SPACA9: variants seen among roughly 807,000 people sequenced by gnomAD.
SPACA9 encodes sperm acrosome-associated protein 9.
SPACA9 carries 14 observed loss-of-function variants against 12.5 expected under a neutral mutation model. The ratio of observed to expected loss-of-function variants is 1.12; its 90% CI spans 0.74 to 1.75. The LOEUF (loss-of-function observed/expected upper bound fraction) is 1.75. Ranked by LOEUF, SPACA9 falls within the 40% of genes most tolerant of loss-of-function variation. The probability of loss-of-function intolerance (pLI) is 0.00; values close to 1 mark genes in which losing one functional copy is unlikely to be tolerated. For synonymous variants in SPACA9, 111 were observed against 114.1 expected, an observed-to-expected ratio of 0.97 and a Z score of 0.17; for missense variants, 292 against 291.9, an observed-to-expected ratio of 1.00 and a Z score of 0.00.
At chr9:132,884,705 A>C (rs1443438939) in intron 2 of SPACA9, among the ~76,000 whole-genome samples, 1 of 101,812 alleles carries the variant, frequency 9.8e-6, no homozygotes, top group African/African-American at 3.4e-5. Flanking sequence ...GGAGGGAGTC[A>C]GCTTGTGGAA....
intron 2 of SPACA9, among the ~76,000 whole-genome samples, chr9:132,885,545 A>G (rs926216207): frequency 2.7e-5 from 4 of 150,578 alleles, no homozygotes; most frequent in African/African-American, 9.8e-5. Flanking sequence ...AGTTAAATGT[A>G]CAGAAAAGGA....
chr9:132,888,941 G>T lies in SPACA9; in HGVS notation c.*330G>T. On this transcript the variant is annotated 3_prime_UTR_variant, in exon 4 of 4. Transcript: ENST00000356311. The surrounding 1 kb of genome is among the most constrained non-coding windows in gnomAD (Gnocchi z 5.0). ...CACCACCTCGCCTGGCTAATTTTTTGTATTTTTAGTAGAGACAGCGTTTCA... is the reference window on the plus strand; with the variant it reads ...CACCACCTCGCCTGGCTAATTTTTTTTATTTTTAGTAGAGACAGCGTTTCA... 1.6e-6 allele frequency: 1 copy of T among 615,958 alleles called. No individual in the cohort carries two copies. The highest frequency in any genetic ancestry group is 2.2e-6 in the Non-Finnish European group (1 of 461,528). 38.2% of individuals were successfully genotyped at this position (615,958 alleles called of 1,614,324 possible). A position where few individuals can be genotyped will look rare whatever the true frequency, so the allele number is the denominator to read the frequency against.
At position 132,889,337 on chromosome 9, in the gene SPACA9, C is replaced by T; in HGVS notation, c.*726C>T. On this transcript the variant is annotated 3_prime_UTR_variant, in exon 4 of 4. Coordinates refer to ENST00000356311, the MANE Select transcript of SPACA9 (RefSeq NM_001316897.2). Reference sequence around the variant, plus strand: ...ACCAGCCCCAACTGTAGGCAAGGCACACGCTGTTTGCGAGCCAGGGATGCT... The same window carrying T: ...ACCAGCCCCAACTGTAGGCAAGGCATACGCTGTTTGCGAGCCAGGGATGCT... The T allele has an allele frequency of 1.0e-6, 1 of 985,594 alleles. No individual in the cohort carries two copies. The highest frequency in any genetic ancestry group is 1.2e-6 in the Non-Finnish European group (1 of 830,038). The allele number at this position is 985,594 out of a possible 1,614,324, so 61.1% of individuals were successfully genotyped here.
Position 132,888,598 on chromosome 9 carries a change from G to T in SPACA9, c.656G>T (p.Gly219Val). The change falls in exon 4 of 4, where the codon GGT becomes GTT. Residue 219 changes from glycine to valine, a missense_variant. Physicochemically the swap from Gly to Val is moderately radical, Grantham distance 109 (BLOSUM62 -3). Transcript: ENST00000356311. This position sits in a 1 kb window ranked among gnomAD's most constrained non-coding sequence, Gnocchi z 5.0. Reference protein sequence around the residue: ...GCSKPPWRPPGGKL With the variant: ...GCSKPPWRPPVGKL ...TCAAAACCACCCTGGAGGCCTCCTG[G>T]TGGGAAATTGTAACTCAGAGCCAGG... 1.3e-6 allele frequency: 2 copies of T among 1,531,132 alleles called. No homozygotes were observed. Among genetic ancestry groups the T allele is most frequent in the Non-Finnish European group, 1.8e-6 (2 of 1,136,348 alleles). The allele number at this position is 1,531,132 out of a possible 1,614,324, so 94.8% of individuals were successfully genotyped here. A position where few individuals can be genotyped will look rare whatever the true frequency, so the allele number is the denominator to read the frequency against.
At position 132,889,190 on chromosome 9, in the gene SPACA9, C is replaced by T. The variant is rs1052059674; in HGVS notation, c.*579C>T. 5 of 987,148 alleles carry T rather than the reference C, an allele frequency of 5.1e-6. No individual in the cohort carries two copies. The African/African-American group carries it at 8.7e-5, about 17-fold the overall frequency. The allele number at this position is 987,148 out of a possible 1,614,324, so 61.1% of individuals were successfully genotyped here. A position where few individuals can be genotyped will look rare whatever the true frequency, so the allele number is the denominator to read the frequency against. ...TGTGGTAGAGGGTCCCAGGAGGGCA[C>T]TGAACTGTCACCTAGGTCCTCTTTG... On this transcript the variant is annotated 3_prime_UTR_variant, in exon 4 of 4. Transcript: ENST00000356311.
chr9:132,887,667 A>G lies in SPACA9; in HGVS notation c.347+96A>G, dbSNP rs903107288. ...CTGTTGCCTGGATCATGGTGCTCCT[A>G]TTAGACCACCCCGGGCAGGAAATCC... On this transcript the variant is annotated intron_variant, in intron 3 of 3. Transcript: ENST00000356311. This position sits in a 1 kb window ranked among gnomAD's most constrained non-coding sequence, Gnocchi z 5.4. 10 of 1,017,684 alleles carry G rather than the reference A, an allele frequency of 9.8e-6. No homozygotes were observed. The highest frequency in any genetic ancestry group is 2.4e-4 in the Middle Eastern group (1 of 4,210). The allele number at this position is 1,017,684 out of a possible 1,614,324, so 63.0% of individuals were successfully genotyped here. A position where few individuals can be genotyped will look rare whatever the true frequency, so the allele number is the denominator to read the frequency against.
At chr9:132,880,947 C>G (rs910263036) in intron 1 of SPACA9, among the ~76,000 whole-genome samples, 1 of 151,730 alleles carries the variant, frequency 6.6e-6, no homozygotes, top group Non-Finnish European at 1.5e-5. Context: ...CTCAGCCTCC[C>G]GAGTAGCTGG....
Position 132,888,636 on chromosome 9 carries a change from G to A in SPACA9, c.*25G>A, listed in dbSNP as rs776359128. The A allele has an allele frequency of 5.7e-5, 85 of 1,502,114 alleles. No individual in the cohort carries two copies. Among genetic ancestry groups the A allele is most frequent in the Non-Finnish European group, 7.2e-5 (81 of 1,124,198 alleles). 93.0% of individuals were successfully genotyped at this position (1,502,114 alleles called of 1,614,324 possible). A position where few individuals can be genotyped will look rare whatever the true frequency, so the allele number is the denominator to read the frequency against. ...ACTCAGAGCCAGGAGCTCCGTCGGC[G>A]GAGAGCTTTGCTGTTTAATTTGGAT... On this transcript the variant is annotated 3_prime_UTR_variant, in exon 4 of 4. Transcript: ENST00000356311. This position sits in a 1 kb window ranked among gnomAD's most constrained non-coding sequence, Gnocchi z 5.0.
In SPACA9 at chr9:132,884,589, GC is replaced by G. The variant is rs201564341; in HGVS notation, c.144+499del. Among the ~76,000 whole-genome samples, 496 of 152,340 alleles carry G rather than the reference GC, an allele frequency of 3.3e-3. 4 individuals carry two copies. Among genetic ancestry groups the G allele is most frequent in the African/African-American group, 0.01 (420 of 41,574 alleles). ...CCAGGGTTAGCTGCTGTCCAGGTTT[GC>G]TGTGCAGGACTTGGAGGCCTCAAGA... On this transcript the variant is annotated intron_variant, in intron 2 of 3. Transcript: ENST00000356311.
Position 132,889,884 on chromosome 9 carries a change from A to AG in SPACA9, c.*1273_*1274insG. The AG allele has an allele frequency of 1.4e-6, 2 of 1,411,604 alleles. No homozygotes were observed. The allele number at this position is 1,411,604 out of a possible 1,614,324, so 87.4% of individuals were successfully genotyped here. On this transcript the variant is annotated 3_prime_UTR_variant, in exon 4 of 4. Coordinates refer to ENST00000356311, the MANE Select transcript of SPACA9 (RefSeq NM_001316897.2). Reference sequence around the variant, plus strand: ...TTTTCACAGCGTAGTCGAACCCCAAACATTGTAAAATGTGTCCCTGGCTTC... The same window carrying AG: ...TTTTCACAGCGTAGTCGAACCCCAAAGCATTGTAAAATGTGTCCCTGGCTTC...
chr9:132,883,839 A>C, intron 1 of SPACA9, 72 bp from the exon 2 acceptor site: 1 of 1,214,520 alleles, frequency 8.2e-7, no homozygotes, highest in South Asian at 1.3e-5. Context: ...CTCCCCTGAC[A>C]GTCCTTCCCT....
chr9:132,889,406 G>T lies in SPACA9; in HGVS notation c.*795G>T. On this transcript the variant is annotated 3_prime_UTR_variant, in exon 4 of 4. Transcript: ENST00000356311. Reference sequence around the variant, plus strand: ...GGGGTCGGCATGTGGAACTCAGCGTGTTTATTTTTTTATTTTTTGAGATGG... The same window carrying T: ...GGGGTCGGCATGTGGAACTCAGCGTTTTTATTTTTTTATTTTTTGAGATGG... The T allele has an allele frequency of 1.0e-6, 1 of 985,324 alleles. No homozygotes were observed. The highest frequency in any genetic ancestry group is 4.7e-5 in the South Asian group (1 of 21,288). 61.0% of individuals were successfully genotyped at this position (985,324 alleles called of 1,614,324 possible). A position where few individuals can be genotyped will look rare whatever the true frequency, so the allele number is the denominator to read the frequency against.
chr9:132,879,535 A>G (rs1844324639), intron 1 of SPACA9, among the ~76,000 whole-genome samples: 1 of 152,240 alleles, frequency 6.6e-6, no homozygotes, highest in Non-Finnish European at 1.5e-5. Flanking sequence ...GCATGCAGTA[A>G]GCACACAATA....
chr9:132,886,067 A>G (rs2131491190), intron 2 of SPACA9, among the ~76,000 whole-genome samples: 1 of 152,336 alleles, frequency 6.6e-6, no homozygotes. Context: ...ACCACTTCAG[A>G]TTGTTTGGGG....
At position 132,888,373 on chromosome 9, in the gene SPACA9, T is replaced by C. The variant is rs756515232; in HGVS notation, c.431T>C (p.Ile144Thr). The C allele has an allele frequency of 8.7e-6, 14 of 1,613,742 alleles. No homozygotes were observed. The Admixed American group carries it at 1.7e-4, about 19-fold the overall frequency. The stretch of plus-strand genomic sequence containing the variant: ...GGCGTGGTCAGCCTCATCCCCCTCA[T>C]CCTAGACTTAATGAAAGAATGGATC... ...YGGVVSLIPL[I>T]LDLMKEWIAH... Residue 144 changes from isoleucine (I) to threonine (T), a missense_variant, in exon 4 of 4, where the codon ATC becomes ACC. Ile to Thr is a moderately conservative substitution (Grantham distance 89). Coordinates refer to ENST00000356311, the MANE Select transcript of SPACA9 (RefSeq NM_001316897.2). The surrounding 1 kb of genome is among the most constrained non-coding windows in gnomAD (Gnocchi z 5.0).
intron 2 of SPACA9, among the ~76,000 whole-genome samples, chr9:132,886,937 G>A (rs1344393521): frequency 6.6e-6 from 1 of 151,886 alleles, no homozygotes; most frequent in Non-Finnish European, 1.5e-5. Context: ...TCAGCCTCCC[G>A]AGTAGCTGGG....
At chr9:132,883,652 G>T (rs1309284296) in intron 1 of SPACA9, among the ~76,000 whole-genome samples, 1 of 152,382 alleles carries the variant, frequency 6.6e-6, no homozygotes, top group African/African-American at 2.4e-5. Flanking sequence ...GCTGAGGGAA[G>T]AAGTCACATT....
At chr9:132,883,587 CGT>C (rs1240093210) in intron 1 of SPACA9, among the ~76,000 whole-genome samples, 2 of 151,760 alleles carry the variant, frequency 1.3e-5, no homozygotes, top group South Asian at 2.1e-4. Context: ...TGTGTGCGCG[CGT>C]GTGTGTAGAT....
In SPACA9 at chr9:132,888,471, A is replaced by G; in HGVS notation, c.529A>G (p.Arg177Gly). The G allele has an allele frequency of 6.2e-7, 1 of 1,610,888 alleles. No individual in the cohort carries two copies. The highest frequency in any genetic ancestry group is 8.5e-7 in the Non-Finnish European group (1 of 1,178,940). ...GCCCCAGGCGCACCAGGAGAGCACC[A>G]GGGGAGCCGCTCGTCCTGCCCAGGC... Reference protein sequence around the residue: ...SEPQAHQESTRGAARPAQAIG... With the variant: ...SEPQAHQESTGGAARPAQAIG... Residue 177 changes from arginine to glycine, a missense_variant, in exon 4 of 4, where the codon AGG becomes GGG. Coordinates refer to ENST00000356311, the MANE Select transcript of SPACA9 (RefSeq NM_001316897.2). This position sits in a 1 kb window ranked among gnomAD's most constrained non-coding sequence, Gnocchi z 5.0.
Sources: gnomAD v4.1 joint callset for allele counts (sites outside exome capture counted in the v4.1 genomes callset) on GRCh38, gnomAD v4.1.1 for gene constraint, Gnocchi (gnomAD v3.1) non-coding constraint, MANE v1.5 for transcripts, NCBI Gene and HGNC (gene_info 2026-07-23, HGNC 2026-07-21) for gene names.